KCNU1: variants seen among roughly 807,000 people sequenced by gnomAD.
KCNU1 encodes the protein potassium channel subfamily U member 1.
In KCNU1, 93 loss-of-function variants were observed where a neutral mutation model predicts 126.8. The observed-to-expected ratio is 0.73, with a 90% CI of 0.62 to 0.87. The LOEUF is 0.87. Among genes scored for constraint, KCNU1 ranks in the 40% least tolerant of loss-of-function variants. The pLI is 0.00. For synonymous variants in KCNU1, 523 were observed against 494.2 expected, an observed-to-expected ratio of 1.06 and a Z score of -0.77; for missense variants, 1,330 against 1,367.1, an observed-to-expected ratio of 0.97 and a Z score of 0.43.
intron 2 of KCNU1, among the ~76,000 whole-genome samples, chr8:36,792,374 G>A (rs930027242): frequency 2.0e-5 from 3 of 152,146 alleles, no homozygotes; most frequent in African/African-American, 7.2e-5. Flanking sequence ...AAAGTGTATG[G>A]CTCGTGAAGC....
At chr8:36,842,282 G>A (rs770221210) in intron 16 of KCNU1, among the ~76,000 whole-genome samples, 16 of 152,170 alleles carry the variant, frequency 1.1e-4, no homozygotes, top group East Asian at 1.9e-4. Flanking sequence ...TCAGGTGGGC[G>A]ATAAAGGAAT....
intron 10 of KCNU1, among the ~76,000 whole-genome samples, chr8:36,831,877 G>T (rs1008308829): frequency 6.6e-6 from 1 of 151,878 alleles, no homozygotes; most frequent in East Asian, 1.9e-4. Context: ...TTCTTCTAGG[G>T]TTTTTATGGT....
intron 4 of KCNU1, 46 bp downstream of exon 4, chr8:36,805,331 C>A (rs569194780): frequency 3.6e-6 from 4 of 1,117,672 alleles, no homozygotes; most frequent in Admixed American, 2.0e-5. Context: ...ACACCACAGG[C>A]ACAACATACA....
intron 19 of KCNU1, among the ~76,000 whole-genome samples, chr8:36,892,806 CA>C (rs757485058): frequency 2.0e-5 from 3 of 152,008 alleles, no homozygotes; most frequent in Non-Finnish European, 4.4e-5. Context: ...TTGGTTTGTG[CA>C]GTCTCAAGAT....
At chr8:36,879,912 C>T (rs947585295) in intron 19 of KCNU1, among the ~76,000 whole-genome samples, 32 of 152,128 alleles carry the variant, frequency 2.1e-4, no homozygotes, top group African/African-American at 7.2e-4. Flanking sequence ...TCACTCCAAC[C>T]GCCAATCAAG....
Position 36,784,385 on chromosome 8 carries a change from C to G in KCNU1, c.-26C>G. On this transcript the variant is annotated 5_prime_UTR_variant, in exon 1 of 27. Coordinates refer to ENST00000399881, the MANE Select transcript of KCNU1 (RefSeq NM_001031836.3). ...ACCACGGCGTCATCAAATGACCTGG[C>G]AATTCCGTCTACTGATGTCTCGAAC... The G allele has an allele frequency of 6.3e-7, 1 of 1,580,200 alleles. No individual in the cohort carries two copies. The highest frequency in any genetic ancestry group is 8.6e-7 in the Non-Finnish European group (1 of 1,158,938).
In KCNU1 at chr8:36,787,336, A is replaced by G. The variant is rs1563254670; in HGVS notation, c.226A>G (p.Ser76Gly). ...GTTCACATCAGGTACCATCGCTAGG[A>G]GCCATGTAAGAAGCCTCCACTTCCA... ...ELFTSGTIAR[S>G]HVRSLHFQGQ... is the part of the protein sequence containing the mutation. The change falls in exon 2 of 27, where the codon AGC (serine) becomes GGC (glycine). Residue 76 changes from serine to glycine, a missense_variant. Physicochemically the swap from Ser to Gly is moderately conservative, Grantham distance 56 (BLOSUM62 0). Transcript: ENST00000399881. 6.2e-6 allele frequency: 10 copies of G among 1,611,930 alleles called. No homozygotes were observed. Among genetic ancestry groups the G allele is most frequent in the Non-Finnish European group, 8.5e-6 (10 of 1,178,802 alleles).
intron 19 of KCNU1, among the ~76,000 whole-genome samples, chr8:36,870,196 G>T (rs1015126185): frequency 1.3e-4 from 20 of 152,174 alleles, no homozygotes; most frequent in Admixed American, 1.3e-3. Context: ...TGCCAGGATA[G>T]GCTTTGCCAA....
intron 20 of KCNU1, among the ~76,000 whole-genome samples, chr8:36,906,967 T>A (rs1490850596): frequency 6.6e-6 from 1 of 152,170 alleles, no homozygotes; most frequent in Non-Finnish European, 1.5e-5. Context: ...TTGAGACATT[T>A]GAGACCAAAC....
At chr8:36,866,947 A>G (rs899696602) in intron 19 of KCNU1, among the ~76,000 whole-genome samples, 3 of 152,332 alleles carry the variant, frequency 2.0e-5, no homozygotes, top group African/African-American at 7.2e-5. Flanking sequence ...TGATCATTAC[A>G]CATTCTACAC....
At chr8:36,825,848 C>T (rs1438526567) in intron 10 of KCNU1, among the ~76,000 whole-genome samples, 1 of 151,904 alleles carries the variant, frequency 6.6e-6, no homozygotes, top group Non-Finnish European at 1.5e-5. Context: ...ACTTAAGAAC[C>T]ATGAAATTTT....
chr8:36,871,669 G>A (rs972934275), intron 19 of KCNU1, among the ~76,000 whole-genome samples: 4 of 152,042 alleles, frequency 2.6e-5, no homozygotes, highest in Non-Finnish European at 5.9e-5. Context: ...TGAGTCTGTG[G>A]ACAGGTCTTT....
chr8:36,794,433 A>G (rs904406227), intron 2 of KCNU1, among the ~76,000 whole-genome samples: 1 of 152,196 alleles, frequency 6.6e-6, no homozygotes, highest in African/African-American at 2.4e-5. Context: ...TACAATTTAT[A>G]CACATACACA....
intron 19 of KCNU1, among the ~76,000 whole-genome samples, chr8:36,883,285 T>C (rs1181716899): frequency 2.6e-5 from 4 of 152,230 alleles, no homozygotes; most frequent in African/African-American, 9.6e-5. Flanking sequence ...CACGTGGCAC[T>C]AGGCTTGATG....
chr8:36,817,876 T>A, intron 10 of KCNU1, 116 bp downstream of exon 10: 3 of 561,910 alleles, frequency 5.3e-6, no homozygotes, highest in Admixed American at 3.1e-5. Context: ...GTATTGATCA[T>A]AAACAAAACA....
intron 10 of KCNU1, among the ~76,000 whole-genome samples, chr8:36,830,890 C>T (rs1254745508): frequency 2.7e-5 from 4 of 146,440 alleles, no homozygotes; most frequent in South Asian, 2.3e-4. Flanking sequence ...GTATATCTCC[C>T]GATGCTATCC....
chr8:36,789,192 C>T (rs957198133), intron 2 of KCNU1, among the ~76,000 whole-genome samples: 31 of 152,002 alleles, frequency 2.0e-4, no homozygotes, highest in African/African-American at 7.5e-4. Flanking sequence ...CTCACCTCTA[C>T]AAATAATTTA....
chr8:36,826,390 A>G (rs903098978), intron 10 of KCNU1, among the ~76,000 whole-genome samples: 1 of 151,796 alleles, frequency 6.6e-6, no homozygotes, highest in Non-Finnish European at 1.5e-5. Flanking sequence ...TTGTATTGTT[A>G]GTAGAGATGG....
chr8:36,812,822 T>G (rs1218425127), intron 7 of KCNU1, among the ~76,000 whole-genome samples: 1 of 152,214 alleles, frequency 6.6e-6, no homozygotes, highest in African/African-American at 2.4e-5. Flanking sequence ...GGAAAGGGAT[T>G]TGAAACACCA....
Sources: allele counts gnomAD v4.1 joint callset (sites outside exome capture counted in the v4.1 genomes callset), GRCh38; gene constraint gnomAD v4.1.1; transcripts MANE v1.5; gene names NCBI Gene and HGNC (gene_info 2026-07-23, HGNC 2026-07-21).